Variants in MYOM1 observed in about 807,000 individuals in gnomAD.
MYOM1 encodes the protein myomesin 1.
In MYOM1, 164 loss-of-function variants were observed where a neutral mutation model predicts 205.3. The ratio of observed to expected loss-of-function variants is 0.80; its 90% confidence interval spans 0.70 to 0.91. MYOM1 has a LOEUF of 0.91. Among genes scored for constraint, MYOM1 ranks in the 40% least tolerant of loss-of-function variants. The pLI is 0.00. For missense variants in MYOM1, 2,011 were observed against 2,127.3 expected (o/e 0.95, Z 1.08); for synonymous variants, 772 against 789.4 (o/e 0.98, Z 0.37).
intron 2 of MYOM1, among the ~76,000 whole-genome samples, chr18:3,202,214 A>C (rs1375247917): frequency 6.6e-6 from 1 of 152,252 alleles, no homozygotes; most frequent in East Asian, 1.9e-4. Context: ...AAGAAACAAA[A>C]GAATTAAAAC....
chr18:3,125,047 C>T (rs1403077852), intron 19 of MYOM1, among the ~76,000 whole-genome samples: 1 of 152,148 alleles, frequency 6.6e-6, no homozygotes, highest in Non-Finnish European at 1.5e-5. Flanking sequence ...GGACTGTGTA[C>T]ATAGGAAAGG....
At chr18:3,097,802 T>C (rs1408725169) in intron 25 of MYOM1, among the ~76,000 whole-genome samples, 1 of 152,190 alleles carries the variant, frequency 6.6e-6, no homozygotes, top group African/African-American at 2.4e-5. Context: ...TGCTACCCTC[T>C]CTCGTAGCAC....
intron 33 of MYOM1, among the ~76,000 whole-genome samples, chr18:3,083,427 C>CTTTTTTTTTTTTTTTTTTTTT (rs35959808): frequency 2.0e-4 from 20 of 98,548 alleles, no homozygotes; most frequent in South Asian, 7.2e-4. Flanking sequence ...TTTTCTTTTT[C>CTTTTTTTTTTTTTTTTTTTTT]TTTTTTTTTT....
intron 25 of MYOM1, among the ~76,000 whole-genome samples, chr18:3,098,931 T>C (rs2079341872): frequency 1.3e-5 from 2 of 152,174 alleles, no homozygotes; most frequent in South Asian, 4.1e-4. Context: ...CCCTCCACTC[T>C]GCTACTTTGC....
At chr18:3,124,550 C>T (rs533474732) in intron 19 of MYOM1, among the ~76,000 whole-genome samples, 33 of 151,592 alleles carry the variant, frequency 2.2e-4, no homozygotes, top group Non-Finnish European at 3.7e-4. Context: ...AGGATAGTCT[C>T]GATCTCCTGA....
chr18:3,207,532 T>C (rs950519891), intron 2 of MYOM1, among the ~76,000 whole-genome samples: 1 of 152,222 alleles, frequency 6.6e-6, no homozygotes, highest in Non-Finnish European at 1.5e-5. Context: ...GTCACTGGGA[T>C]TGACTAGACA....
chr18:3,170,895 C>G (rs768049645), intron 8 of MYOM1, among the ~76,000 whole-genome samples: 9 of 152,112 alleles, frequency 5.9e-5, no homozygotes, highest in Non-Finnish European at 1.2e-4. Context: ...AAACTTAGGC[C>G]CTTTCTCACA....
chr18:3,096,452 A>ATTTTTTT (rs5822737), intron 25 of MYOM1, among the ~76,000 whole-genome samples: 1 of 143,432 alleles, frequency 7.0e-6, no homozygotes. Context: ...TAGAAACACC[A>ATTTTTTT]TTTTTTTTTT....
rs2080871568 is a variant in MYOM1, at chr18:3,189,270, C to T, written c.432-183G>A. On this transcript the variant is annotated intron_variant, in intron 3 of 37. Transcript: ENST00000356443. This position sits in a 1 kb window ranked among gnomAD's most constrained non-coding sequence, Gnocchi z 4.8. ...TGTACAGAAGTATTCCTCACCTTAACAAATAACAACAATAATAACACCTAT... is the reference window on the plus strand; with the variant it reads ...TGTACAGAAGTATTCCTCACCTTAATAAATAACAACAATAATAACACCTAT... 6.6e-6 allele frequency among the ~76,000 whole-genome samples: 1 copy of T among 151,964 alleles called. No homozygotes were observed. The highest frequency in any genetic ancestry group is 2.4e-5 in the African/African-American group (1 of 41,352).
At chr18:3,116,833 C>T (rs7407061) in intron 20 of MYOM1, among the ~76,000 whole-genome samples, 92,420 of 151,988 alleles carry the variant, frequency 0.61, 29,352 homozygotes, top group Non-Finnish European at 0.7. Context: ...TTGGAACAGT[C>T]TGATTTAGCT....
At chr18:3,093,421 A>G (rs1044273111) in intron 26 of MYOM1, 3 of 152,216 alleles carry the variant, frequency 2.0e-5, no homozygotes, top group African/African-American at 7.2e-5. Flanking sequence ...TACAAAAACT[A>G]TGTTTATGTT....
chr18:3,091,902 T>C (rs2079232209), intron 26 of MYOM1, among the ~76,000 whole-genome samples: 1 of 152,104 alleles, frequency 6.6e-6, no homozygotes, highest in East Asian at 1.9e-4. Flanking sequence ...CAGCTGATTT[T>C]TGTATTTTTA....
intron 20 of MYOM1, among the ~76,000 whole-genome samples, chr18:3,117,215 A>G (rs1296020845): frequency 6.6e-6 from 1 of 152,194 alleles, no homozygotes; most frequent in Non-Finnish European, 1.5e-5. Flanking sequence ...CTCAAATAGT[A>G]TAAAGAAAGC....
At chr18:3,193,357 T>TACACACACACACACACAC (rs1367330529) in intron 3 of MYOM1, among the ~76,000 whole-genome samples, 6 of 102,842 alleles carry the variant, frequency 5.8e-5, no homozygotes, top group African/African-American at 1.9e-4. Context: ...CATATATATA[T>TACACACACACACACACAC]ATATACACAC....
At chr18:3,201,145 T>C (rs531130333) in intron 2 of MYOM1, among the ~76,000 whole-genome samples, 1 of 152,306 alleles carries the variant, frequency 6.6e-6, no homozygotes, top group East Asian at 1.9e-4. Flanking sequence ...ATGCCTGTAA[T>C]CCTAGCACTT....
intron 10 of MYOM1, among the ~76,000 whole-genome samples, chr18:3,161,580 T>C (rs1383040618): frequency 2.6e-5 from 4 of 152,210 alleles, no homozygotes; most frequent in African/African-American, 9.6e-5. Flanking sequence ...GATGAGAACC[T>C]GGGACAGTAC....
Position 3,151,893 on chromosome 18 carries a change from C to A in MYOM1, c.1644G>T (p.Lys548Asn). 1 of 1,610,586 alleles carries A rather than the reference C, an allele frequency of 6.2e-7. No homozygotes were observed. Among genetic ancestry groups the A allele is most frequent in the Non-Finnish European group, 8.5e-7 (1 of 1,177,704 alleles). Residue 548 changes from lysine to asparagine, a missense_variant and splice_region_variant, in exon 12 of 38, where the codon AAG (lysine) becomes AAT (asparagine). Physicochemically the swap from Lys to Asn is moderately conservative, Grantham distance 94 (BLOSUM62 0). Transcript: ENST00000356443. The part of the protein sequence containing the change: ...GSPILGYFID[K>N]CEVGTDSWSQ... ...ACCAGCTATCTGTGCCCACCTCACACCTAAAGGAATGAGCGTGATTGACAA... is the reference window on the plus strand; with the variant it reads ...ACCAGCTATCTGTGCCCACCTCACAACTAAAGGAATGAGCGTGATTGACAA...
chr18:3,227,872 T>C, the MYOM1 span, among the ~76,000 whole-genome samples: 1 of 152,172 alleles, frequency 6.6e-6, no homozygotes, highest in South Asian at 2.1e-4. Context: ...GCGATAGTTA[T>C]ACAACAGTGT....
In MYOM1 at chr18:3,208,469, G is replaced by A. The variant is rs530278855; in HGVS notation, c.290+6465C>T. 2.0e-4 allele frequency among the ~76,000 whole-genome samples: 31 copies of A among 152,320 alleles called. No individual in the cohort carries two copies. The South Asian group carries it at 6.2e-3, about 31-fold the overall frequency. ...GCCCAGGAGGTGGAGGTTGCAGTGA[G>A]CTGAGATCGCACCACTGCACTCCAG... On this transcript the variant is annotated intron_variant, in intron 2 of 37. Coordinates refer to ENST00000356443, the MANE Select transcript of MYOM1 (RefSeq NM_003803.4).
Sources: gnomAD v4.1 joint callset for allele counts (sites outside exome capture counted in the v4.1 genomes callset) on GRCh38, gnomAD v4.1.1 for gene constraint, Gnocchi (gnomAD v3.1) non-coding constraint, MANE v1.5 for transcripts, NCBI Gene and HGNC (gene_info 2026-07-23, HGNC 2026-07-21) for gene names.